Variants in SLC35B4 observed in about 807,000 individuals in gnomAD.
SLC35B4 encodes the protein solute carrier family 35 member B4.
Under a neutral mutation model 39.5 loss-of-function variants are expected in SLC35B4, and 28 were observed. That is an observed-to-expected ratio of 0.71 (90% CI 0.53 to 0.97). The LOEUF (loss-of-function observed/expected upper bound fraction) is 0.97, where lower values mean the gene tolerates loss of function less well. Among genes scored for constraint, SLC35B4 ranks in the 50% least tolerant of loss-of-function variants. The pLI is 0.00. For synonymous variants in SLC35B4, 145 were observed against 150.4 expected (o/e 0.96, Z 0.26); for missense variants, 334 against 414.3 (o/e 0.81, Z 1.68).
chr7:134,299,806 T>G (rs990729379), intron 7 of SLC35B4, among the ~76,000 whole-genome samples: 1 of 152,194 alleles, frequency 6.6e-6, no homozygotes, highest in African/African-American at 2.4e-5. Flanking sequence ...TTCTTGCCCT[T>G]ATAGGGTCTG....
upstream of SLC35B4, among the ~76,000 whole-genome samples, chr7:134,318,125 G>C (rs946192864): frequency 6.6e-6 from 1 of 152,214 alleles, no homozygotes; most frequent in African/African-American, 2.4e-5. Flanking sequence ...CCGTGACTGG[G>C]AGATCACATT....
At chr7:134,303,127 A>G (rs1431785002) in intron 4 of SLC35B4, among the ~76,000 whole-genome samples, 2 of 152,162 alleles carry the variant, frequency 1.3e-5, no homozygotes, top group East Asian at 1.9e-4. Flanking sequence ...ATAAAAGGAG[A>G]TAAGAAGTTA....
chr7:134,300,359 G>T, intron 6 of SLC35B4, 98 bp from the exon 7 acceptor site: 1 of 789,900 alleles, frequency 1.3e-6, no homozygotes, highest in South Asian at 2.0e-5. Flanking sequence ...CAAATATTAT[G>T]AACTAATTGT....
At chr7:134,319,884 T>A (rs1804066640), upstream of SLC35B4, among the ~76,000 whole-genome samples, 1 of 152,162 alleles carries the variant, frequency 6.6e-6, no homozygotes, top group African/African-American at 2.4e-5. Context: ...TATCTCTAGA[T>A]TCCAGCCTTT....
Position 134,304,816 on chromosome 7 carries a change from A to C in SLC35B4, c.333T>G (p.Ile111Met). The part of the protein sequence containing the change: ...LIANMILGII[I>M]LKKRYSIFKY... The stretch of plus-strand genomic sequence containing the variant: ...AGTGTATTGTTTACCTTTTCTTCAA[A>C]ATGATAATTCCTAGAATCATGTTGG... The change falls in exon 4 of 10, where the codon ATT becomes ATG. Residue 111 changes from isoleucine to methionine, a missense_variant. Physicochemically the swap from Ile to Met is conservative, Grantham distance 10. Transcript: ENST00000378509. 1 of 1,611,608 alleles carries C rather than the reference A, an allele frequency of 6.2e-7. No individual in the cohort carries two copies. Among genetic ancestry groups the C allele is most frequent in the South Asian group, 1.1e-5 (1 of 90,996 alleles).
In SLC35B4 at chr7:134,295,030, G is replaced by A; in HGVS notation, c.799C>T (p.Leu267Phe). Residue 267 changes from leucine to phenylalanine, a missense_variant, in exon 10 of 10, where the codon CTC becomes TTC. By Grantham distance (22) the Leu-to-Phe change is conservative. Coordinates refer to ENST00000378509, the MANE Select transcript of SLC35B4 (RefSeq NM_032826.5). ...VFILTTECAS[L>F]TVTLVVTLRK... ...AGGGTCACGACGAGCGTGACGGTGAGGGAGGCGCATTCTGTGGTGAGGATA... is the reference window on the plus strand; with the variant it reads ...AGGGTCACGACGAGCGTGACGGTGAAGGAGGCGCATTCTGTGGTGAGGATA... 1 of 1,614,170 alleles carries A rather than the reference G, an allele frequency of 6.2e-7. No individual in the cohort carries two copies. The highest frequency in any genetic ancestry group is 8.5e-7 in the Non-Finnish European group (1 of 1,180,042).
chr7:134,311,333 C>G lies in SLC35B4; in HGVS notation c.78-1854G>C, dbSNP rs78612244. ...CTAGCACGGTGCTTTGGAACTCGGG[C>G]CAGCCTACTCTGCTTTTTAAAAACC... is the stretch of plus-strand genomic sequence containing the variant. On this transcript the variant is annotated intron_variant, in intron 1 of 9. Transcript: ENST00000378509. Among the ~76,000 whole-genome samples, 156 of 152,242 alleles carry G rather than the reference C, an allele frequency of 1.0e-3. 1 individual carries two copies. Among genetic ancestry groups the G allele is most frequent in the African/African-American group, 3.6e-3 (150 of 41,548 alleles).
At chr7:134,305,277 C>T (rs1470132209) in intron 3 of SLC35B4, among the ~76,000 whole-genome samples, 3 of 151,908 alleles carry the variant, frequency 2.0e-5, no homozygotes, top group East Asian at 3.9e-4. Flanking sequence ...GAGCCAAGAT[C>T]GCGCCATTGC....
At chr7:134,305,349 T>TATAC (rs1432623261) in intron 3 of SLC35B4, among the ~76,000 whole-genome samples, 6 of 151,538 alleles carry the variant, frequency 4.0e-5, no homozygotes, top group Admixed American at 1.3e-4. Context: ...TATATATATA[T>TATAC]ATTTAAAAAA....
chr7:134,313,208 T>C (rs540121473), intron 1 of SLC35B4, among the ~76,000 whole-genome samples: 1 of 152,364 alleles, frequency 6.6e-6, no homozygotes, highest in East Asian at 1.9e-4. Flanking sequence ...TCTTGAGCTC[T>C]CTTCCTCAGG....
rs35116201 is a variant in SLC35B4, at chr7:134,300,250, A to G, written c.499T>C (p.Leu167=). 4.0e-3 allele frequency: 6,439 copies of G among 1,609,544 alleles called. 23 individuals carry two copies. The highest frequency in any genetic ancestry group is 4.7e-3 in the Non-Finnish European group (5,571 of 1,178,292). The change falls in exon 7 of 10, where the codon TTG becomes CTG. Residue 167 remains leucine, a synonymous_variant. Coordinates refer to ENST00000378509, the MANE Select transcript of SLC35B4 (RefSeq NM_032826.5). ...GCTGACATCAGAAGAGCAAAAGTCA[A>G]TGCCCCAATACCTAAAAAACAAACA... ...FVWWLLGIGA[L]TFALLMSARM...
chr7:134,318,722 T>C (rs1295224172), upstream of SLC35B4, among the ~76,000 whole-genome samples: 1 of 152,226 alleles, frequency 6.6e-6, no homozygotes, highest in Non-Finnish European at 1.5e-5. Flanking sequence ...CCTTAAAGGA[T>C]GTTCTAAACA....
chr7:134,319,380 A>G (rs1041803097), upstream of SLC35B4, among the ~76,000 whole-genome samples: 2 of 152,206 alleles, frequency 1.3e-5, no homozygotes, highest in Non-Finnish European at 2.9e-5. Flanking sequence ...ATATTTCTTG[A>G]CATTCTCTTG....
chr7:134,296,212 C>T (rs1803462184), intron 9 of SLC35B4, among the ~76,000 whole-genome samples, 179 bp downstream of exon 9: 1 of 152,234 alleles, frequency 6.6e-6, no homozygotes, highest in African/African-American at 2.4e-5. Context: ...ACACCACTAG[C>T]ATCTCTTCTG....
Position 134,295,752 on chromosome 7 carries a change from A to G in SLC35B4, c.749+639T>C, listed in dbSNP as rs915551082. ...GAAATTTCTTTCAGGACTTTGCAGC[A>G]GCTTGTGATCACTGGAAATATCTTA... On this transcript the variant is annotated intron_variant, in intron 9 of 9. Transcript: ENST00000378509. 1.6e-4 allele frequency among the ~76,000 whole-genome samples: 24 copies of G among 152,128 alleles called. 1 individual carries two copies. The highest frequency in any genetic ancestry group is 2.9e-5 in the Non-Finnish European group (2 of 68,024).
chr7:134,303,460 C>A lies in SLC35B4; in HGVS notation c.344+1345G>T, dbSNP rs374777212. 4.9e-3 allele frequency among the ~76,000 whole-genome samples: 550 copies of A among 113,214 alleles called. 4 individuals carry two copies. The highest frequency in any genetic ancestry group is 0.028 in the East Asian group (131 of 4,742). The allele number at this position is 113,214 out of a possible 152,430, so 74.3% of individuals were successfully genotyped here. ...CTTCAAATGTAATAAACCTGACCAT[C>A]ATATGTATATATATATATATGTTTA... On this transcript the variant is annotated intron_variant, in intron 4 of 9. Coordinates refer to ENST00000378509, the MANE Select transcript of SLC35B4 (RefSeq NM_032826.5).
Position 134,309,422 on chromosome 7 carries a change from C to T in SLC35B4, c.135G>A (p.Val45=). 1 of 1,611,662 alleles carries T rather than the reference C, an allele frequency of 6.2e-7. No homozygotes were observed. The change falls in exon 2 of 10, where the codon GTG becomes GTA. Residue 45 remains valine, a synonymous_variant. Transcript: ENST00000378509. ...AATCAGCTTCAAAGAGGAAGCCTTC[C>T]ACAGCAATAAATAAAAATTGTGCAA... ...VTFAQFLFIA[V]EGFLFEADLG...
Position 134,301,417 on chromosome 7 carries a change from C to T in SLC35B4, c.487+344G>A, listed in dbSNP as rs566444318. The stretch of plus-strand genomic sequence containing the variant: ...AAATTTAAAGAGTCAATTGCTCTAA[C>T]GTGCCCTCTTGCAGAAGCTTCAACT... On this transcript the variant is annotated intron_variant, in intron 6 of 9. Transcript: ENST00000378509. Among the ~76,000 whole-genome samples, 33 of 152,274 alleles carry T rather than the reference C, an allele frequency of 2.2e-4. 2 individuals carry two copies. In the South Asian group the frequency reaches 6.4e-3, roughly 30 times the overall value.
In SLC35B4 at chr7:134,292,512, G is replaced by A. The variant is rs373529332; in HGVS notation, c.*2321C>T. The A allele has an allele frequency of 4.6e-5, 7 of 152,042 alleles. No homozygotes were observed. In the East Asian group the frequency reaches 5.8e-4, roughly 13 times the overall value. 9.4% of individuals were successfully genotyped at this position (152,042 alleles called of 1,614,324 possible). A position where few individuals can be genotyped will look rare whatever the true frequency, so the allele number is the denominator to read the frequency against. ...AAGACCAGACGCGAAAACCTAATGG[G>A]CCCAAGTACTGTCTGTGAACATCAA... On this transcript the variant is annotated 3_prime_UTR_variant, in exon 10 of 10. Transcript: ENST00000378509.
Sources: allele counts gnomAD v4.1 joint callset (sites outside exome capture counted in the v4.1 genomes callset), GRCh38; gene constraint gnomAD v4.1.1; transcripts MANE v1.5; gene names NCBI Gene and HGNC (gene_info 2026-07-23, HGNC 2026-07-21).